The following CRISP2 variants were observed in gnomAD, a reference collection of about 807,000 sequenced individuals.
CRISP2 encodes cysteine-rich secretory protein 2.
Under a neutral mutation model 31.7 loss-of-function variants are expected in CRISP2, and 29 were observed. That is an observed-to-expected ratio of 0.92 (90% CI 0.68 to 1.25). CRISP2 has a LOEUF of 1.25. CRISP2 is among the 50% of genes most tolerant of loss of function. The pLI is 0.00. For synonymous variants in CRISP2, 111 were observed against 101.4 expected (o/e 1.09, Z -0.57); for missense variants, 318 against 286.5 (o/e 1.11, Z -0.79).
chr6:49,678,754 T>C, the CRISP2 span, among the ~76,000 whole-genome samples: 1 of 152,272 alleles, frequency 6.6e-6, no homozygotes, highest in African/African-American at 2.4e-5. Context: ...ATCAAGTTGA[T>C]ACTGTCTCAT....
chr6:49,697,958 C>T lies in CRISP2; in HGVS notation c.418-1G>A. On this transcript the variant is annotated splice_acceptor_variant, in intron 7 of 9. Coordinates refer to ENST00000339139, the MANE Select transcript of CRISP2 (RefSeq NM_003296.4). LOFTEE classifies it high-confidence loss of function. ...CCTGGTAAGTCGAGTACCAAACAAG[C>T]TGCAAATTAACAATGGAATAAATAT... 1 of 1,579,906 alleles carries T rather than the reference C, an allele frequency of 6.3e-7. No homozygotes were observed. The highest frequency in any genetic ancestry group is 8.6e-7 in the Non-Finnish European group (1 of 1,165,612).
At chr6:49,704,652 C>T (rs1766700836) in intron 4 of CRISP2, among the ~76,000 whole-genome samples, 1 of 152,124 alleles carries the variant, frequency 6.6e-6, no homozygotes, top group Admixed American at 6.5e-5. Context: ...TACTGGGCTC[C>T]AGGCTGGTAC....
chr6:49,683,694 A>AATATATATATATATATATATATATATAT, the CRISP2 span, among the ~76,000 whole-genome samples: 1 of 6,180 alleles, frequency 1.6e-4, no homozygotes, highest in Non-Finnish European at 3.8e-4. Context: ...AAAAAAAAAA[A>AATATATATATATATATATATATATATAT]ATATATATAT....
the CRISP2 span, among the ~76,000 whole-genome samples, chr6:49,685,745 C>T: frequency 8.5e-3 from 1,297 of 152,098 alleles, 12 homozygotes; most frequent in African/African-American, 0.029. Flanking sequence ...CTCATTAGGT[C>T]GGCTGTTTTT....
chr6:49,691,084 C>A (rs759045375), downstream of CRISP2, among the ~76,000 whole-genome samples: 10 of 151,962 alleles, frequency 6.6e-5, no homozygotes, highest in Non-Finnish European at 1.2e-4. Flanking sequence ...AGGACCAGAT[C>A]AGATCTTCCA....
chr6:49,683,281 G>A, the CRISP2 span, among the ~76,000 whole-genome samples: 5 of 151,970 alleles, frequency 3.3e-5, no homozygotes, highest in African/African-American at 1.2e-4. Flanking sequence ...GTATACCTAT[G>A]TAAATAGCAC....
chr6:49,689,089 C>A (rs1763973006), downstream of CRISP2, among the ~76,000 whole-genome samples: 1 of 152,028 alleles, frequency 6.6e-6, no homozygotes, highest in South Asian at 2.1e-4. Flanking sequence ...TCAGGCTGAC[C>A]TGATCCTGAC....
At chr6:49,678,046 A>G in the CRISP2 span, among the ~76,000 whole-genome samples, 6 of 152,182 alleles carry the variant, frequency 3.9e-5, no homozygotes, top group East Asian at 1.2e-3. Flanking sequence ...GGGCCATGGA[A>G]CCTCAGAAGG....
intron 4 of CRISP2, among the ~76,000 whole-genome samples, chr6:49,707,337 G>C (rs1767234792): frequency 6.6e-6 from 1 of 152,140 alleles, no homozygotes; most frequent in Non-Finnish European, 1.5e-5. Context: ...GTCAGAGAAA[G>C]CTTCATAAAA....
intron 6 of CRISP2, 56 bp from the exon 7 acceptor site, chr6:49,698,563 T>C: frequency 6.5e-7 from 1 of 1,536,928 alleles, no homozygotes; most frequent in Non-Finnish European, 8.8e-7. Context: ...TAAAAGAAAT[T>C]GACTACACAA....
chr6:49,688,534 A>G (rs978071144), downstream of CRISP2, among the ~76,000 whole-genome samples: 2 of 152,178 alleles, frequency 1.3e-5, no homozygotes, highest in African/African-American at 4.8e-5. Flanking sequence ...TTTAAGGTAC[A>G]GGCCAAAAAG....
intron 6 of CRISP2, among the ~76,000 whole-genome samples, chr6:49,699,257 T>C (rs1477395588): frequency 6.6e-6 from 1 of 151,902 alleles, no homozygotes; most frequent in African/African-American, 2.4e-5. Flanking sequence ...TATTCAAAAA[T>C]ATTCATTTTT....
intron 4 of CRISP2, among the ~76,000 whole-genome samples, chr6:49,704,812 T>A (rs1766729212): frequency 6.6e-6 from 1 of 152,176 alleles, no homozygotes; most frequent in Non-Finnish European, 1.5e-5. Flanking sequence ...GCACTGGTTT[T>A]CTTGAATGTT....
chr6:49,693,980 T>G (rs1171250263), intron 9 of CRISP2, among the ~76,000 whole-genome samples: 1 of 152,218 alleles, frequency 6.6e-6, no homozygotes, highest in Non-Finnish European at 1.5e-5. Context: ...TTTTCCTGAA[T>G]GTTCTTGAAA....
At chr6:49,701,618 A>T (rs1089531) in intron 4 of CRISP2, among the ~76,000 whole-genome samples, 2 of 48,608 alleles carry the variant, frequency 4.1e-5, no homozygotes, top group African/African-American at 9.7e-5. Context: ...CGGTATATAT[A>T]TATACATTAT....
the CRISP2 span, among the ~76,000 whole-genome samples, chr6:49,685,476 C>T: frequency 3.3e-5 from 5 of 152,176 alleles, no homozygotes; most frequent in Admixed American, 2.6e-4. Flanking sequence ...ACCGATACCA[C>T]CAATTTCAAT....
At chr6:49,687,217 A>G in the CRISP2 span, among the ~76,000 whole-genome samples, 2 of 152,224 alleles carry the variant, frequency 1.3e-5, no homozygotes, top group African/African-American at 2.4e-5. Flanking sequence ...TACAATTATC[A>G]GTACTGTCTA....
the CRISP2 span, among the ~76,000 whole-genome samples, chr6:49,683,698 T>A: frequency 3.3e-4 from 22 of 66,230 alleles, no homozygotes; most frequent in Non-Finnish European, 4.9e-4. Context: ...AAAAAAAATA[T>A]ATATATATAT....
intron 4 of CRISP2, 66 bp from the exon 5 acceptor site, chr6:49,700,850 G>A (rs1765545117): frequency 2.0e-6 from 2 of 1,007,366 alleles, no homozygotes; most frequent in East Asian, 5.3e-5. Context: ...TAGTGAATAA[G>A]TTAATTCAAG....
Sources: allele counts gnomAD v4.1 joint callset (sites outside exome capture counted in the v4.1 genomes callset), GRCh38; gene constraint gnomAD v4.1.1; transcripts MANE v1.5; gene names NCBI Gene and HGNC (gene_info 2026-07-23, HGNC 2026-07-21).